LRRC4C: variants seen among roughly 807,000 people sequenced by gnomAD.
LRRC4C encodes leucine rich repeat containing 4C.
LRRC4C carries 5 observed loss-of-function variants against 33.6 expected under a neutral mutation model. The observed-to-expected ratio is 0.15, with a 90% CI of 0.08 to 0.31. LRRC4C has a LOEUF of 0.31. Ranked by LOEUF, LRRC4C falls within the 10% of genes least tolerant of loss-of-function variation. The pLI, the probability that LRRC4C is intolerant of heterozygous loss-of-function variation, is 1.00. For synonymous variants in LRRC4C, 329 were observed against 302.0 expected, an observed-to-expected ratio of 1.09 and a Z score of -0.93; for missense variants, 560 against 796.7, an observed-to-expected ratio of 0.70 and a Z score of 3.58.
At chr11:40,551,511 C>A (rs1188873332) in intron 3 of LRRC4C, among the ~76,000 whole-genome samples, 2 of 152,020 alleles carry the variant, frequency 1.3e-5, no homozygotes, top group Non-Finnish European at 2.9e-5. Flanking sequence ...GATCCCTACC[C>A]GGGACTCCAT....
At position 40,218,692 on chromosome 11, in the gene LRRC4C, AATCTATCTATCTATCT is replaced by A. The variant is rs3041085; in HGVS notation, c.-96+22811_-96+22826del. Among the ~76,000 whole-genome samples, 96 of 140,112 alleles carry A rather than the reference AATCTATCTATCTATCT, an allele frequency of 6.9e-4. 1 individual carries two copies. The highest frequency in any genetic ancestry group is 2.5e-3 in the Admixed American group (33 of 13,306). 91.9% of individuals were successfully genotyped at this position (140,112 alleles called of 152,430 possible). ...AAAGAATGGCTAAAGAATGATAAAGAATCTATCTATCTATCTATCTATCTATCTATCTATCTATCTA... is the reference window on the plus strand; with the variant it reads ...AAAGAATGGCTAAAGAATGATAAAGAATCTATCTATCTATCTATCTATCTA... On this transcript the variant is annotated intron_variant, in intron 5 of 6. Coordinates refer to ENST00000528697, the MANE Select transcript of LRRC4C (RefSeq NM_001258419.2).
At chr11:40,142,193 T>G (rs113642343) in intron 5 of LRRC4C, among the ~76,000 whole-genome samples, 5,667 of 138,898 alleles carry the variant, frequency 0.041, 146 homozygotes, top group Middle Eastern at 0.12. Context: ...GAGGCAGAAT[T>G]GCTTGGACTT....
At chr11:40,650,337 A>T (rs758583390) in intron 2 of LRRC4C, among the ~76,000 whole-genome samples, 5 of 152,156 alleles carry the variant, frequency 3.3e-5, no homozygotes, top group African/African-American at 9.7e-5. Context: ...TTCCAAAATA[A>T]CAAGAGATTC....
chr11:40,306,541 G>C (rs1945040734), intron 4 of LRRC4C, among the ~76,000 whole-genome samples: 1 of 152,076 alleles, frequency 6.6e-6, no homozygotes, highest in South Asian at 2.1e-4. Context: ...CACTCTACCT[G>C]CTTTCACTCC....
chr11:40,357,217 A>G (rs2137132392), intron 3 of LRRC4C, among the ~76,000 whole-genome samples: 1 of 152,314 alleles, frequency 6.6e-6, no homozygotes, highest in East Asian at 1.9e-4. Context: ...AAATTCATGT[A>G]TTCAGTGTGA....
chr11:41,084,867 C>T (rs1242605817), intron 1 of LRRC4C, among the ~76,000 whole-genome samples: 1 of 151,904 alleles, frequency 6.6e-6, no homozygotes, highest in Non-Finnish European at 1.5e-5. Flanking sequence ...AAAAAACAAA[C>T]AAACCAAAAA....
chr11:40,517,678 A>T (rs1310325531), intron 3 of LRRC4C, among the ~76,000 whole-genome samples: 2 of 152,144 alleles, frequency 1.3e-5, no homozygotes, highest in Non-Finnish European at 2.9e-5. Flanking sequence ...ATACTGCCCA[A>T]AGTAATTTAT....
chr11:40,664,554 T>C (rs1198598727), intron 2 of LRRC4C, among the ~76,000 whole-genome samples: 1 of 139,544 alleles, frequency 7.2e-6, no homozygotes, highest in Non-Finnish European at 1.6e-5. Flanking sequence ...CAAAAAAAAA[T>C]GTGAGAACAA....
At chr11:40,248,583 G>C (rs1186364511) in intron 4 of LRRC4C, among the ~76,000 whole-genome samples, 2 of 152,070 alleles carry the variant, frequency 1.3e-5, no homozygotes, top group Non-Finnish European at 2.9e-5. Context: ...TGACCCCGTA[G>C]TCCCAGCAAC....
At chr11:41,361,396 G>A (rs910651935) in intron 1 of LRRC4C, among the ~76,000 whole-genome samples, 1 of 152,106 alleles carries the variant, frequency 6.6e-6, no homozygotes, top group African/African-American at 2.4e-5. Flanking sequence ...AGCTTCTATA[G>A]TTAGTCTTGA....
chr11:41,260,986 A>C (rs1221011403), intron 1 of LRRC4C, among the ~76,000 whole-genome samples: 2 of 152,102 alleles, frequency 1.3e-5, no homozygotes, highest in Non-Finnish European at 2.9e-5. Context: ...TTCTCTTTTA[A>C]GGCAGAATAT....
intron 3 of LRRC4C, among the ~76,000 whole-genome samples, chr11:40,399,239 T>C (rs2137528248): frequency 6.6e-6 from 1 of 152,248 alleles, no homozygotes; most frequent in African/African-American, 2.4e-5. Context: ...CACACGTATG[T>C]TTATTGTGGC....
intron 1 of LRRC4C, among the ~76,000 whole-genome samples, chr11:41,387,829 C>T (rs919869910): frequency 4.0e-5 from 6 of 151,780 alleles, no homozygotes; most frequent in Non-Finnish European, 7.4e-5. Context: ...AAGCATATTT[C>T]AGTGAAGTTA....
At chr11:41,360,203 C>T (rs1474178465) in intron 1 of LRRC4C, among the ~76,000 whole-genome samples, 1 of 152,074 alleles carries the variant, frequency 6.6e-6, no homozygotes, top group Admixed American at 6.5e-5. Flanking sequence ...AACAAACAAA[C>T]AAACAGAATA....
In LRRC4C at chr11:41,438,738, CT is replaced by C. The variant is rs1347730094; in HGVS notation, c.-496+20692del. ...CTTATCACCAACCTTTAATAATTCA[CT>C]TTTTAGACACAGAAATACTTTTTCT... On this transcript the variant is annotated intron_variant, in intron 1 of 6. Transcript: ENST00000528697. Among the ~76,000 whole-genome samples, 6 of 152,246 alleles carry C rather than the reference CT, an allele frequency of 3.9e-5. No homozygotes were observed. The East Asian group carries it at 1.2e-3, about 29-fold the overall frequency.
At chr11:40,517,697 T>C (rs1375232753) in intron 3 of LRRC4C, among the ~76,000 whole-genome samples, 1 of 151,708 alleles carries the variant, frequency 6.6e-6, no homozygotes, top group Non-Finnish European at 1.5e-5. Flanking sequence ...ATAGATTCAA[T>C]GCTATCCCCA....
chr11:41,429,124 C>T (rs1022329866), intron 1 of LRRC4C, among the ~76,000 whole-genome samples: 1 of 152,056 alleles, frequency 6.6e-6, no homozygotes, highest in Non-Finnish European at 1.5e-5. Flanking sequence ...AGAATGAGTT[C>T]TCATGAGATC....
chr11:40,343,014 T>A (rs1946943863), intron 3 of LRRC4C, among the ~76,000 whole-genome samples: 1 of 151,844 alleles, frequency 6.6e-6, no homozygotes, highest in Non-Finnish European at 1.5e-5. Flanking sequence ...CTACCGCATT[T>A]TTTTATTTTA....
intron 1 of LRRC4C, among the ~76,000 whole-genome samples, chr11:41,356,462 G>C (rs1167531637): frequency 2.0e-5 from 3 of 152,154 alleles, no homozygotes; most frequent in African/African-American, 7.2e-5. Context: ...TCTTACCACA[G>C]TGCCATTGTG....
Sources: gnomAD v4.1 joint callset for allele counts (sites outside exome capture counted in the v4.1 genomes callset) on GRCh38, gnomAD v4.1.1 for gene constraint, MANE v1.5 for transcripts, NCBI Gene and HGNC (gene_info 2026-07-23, HGNC 2026-07-21) for gene names.